RFNG: variants seen among roughly 807,000 people sequenced by gnomAD.
RFNG encodes RFNG O-fucosylpeptide 3-beta-N-acetylglucosaminyltransferase, also known as beta-1,3-N-acetylglucosaminyltransferase radical fringe.
Under a neutral mutation model 29.6 loss-of-function variants are expected in RFNG, and 37 were observed. That is an observed-to-expected ratio of 1.25 (90% confidence interval 0.96 to 1.65). The LOEUF (loss-of-function observed/expected upper bound fraction) is 1.65. RFNG is among the 40% of genes most tolerant of loss of function. The pLI, the probability that RFNG is intolerant of heterozygous loss-of-function variation, is 0.00. For missense variants in RFNG, 546 were observed against 457.0 expected (o/e 1.19, Z -1.78); for synonymous variants, 276 against 197.3 (o/e 1.40, Z -3.34).
At position 82,051,600 on chromosome 17, in the gene RFNG, C is replaced by A; in HGVS notation, c.167G>T (p.Arg56Leu). 1.6e-6 allele frequency: 2 copies of A among 1,276,792 alleles called. No homozygotes were observed. Among genetic ancestry groups the A allele is most frequent in the Non-Finnish European group, 9.9e-7 (1 of 1,009,992 alleles). The allele number at this position is 1,276,792 out of a possible 1,614,324, so 79.1% of individuals were successfully genotyped here. A position where few individuals can be genotyped will look rare whatever the true frequency, so the allele number is the denominator to read the frequency against. The stretch of plus-strand genomic sequence containing the variant: ...GACGGCGATGAAGACGTCGTCAGGC[C>A]GCAGGCTGGGGGCAGCGGGCCGGGA... Reference protein sequence around the residue: ...PPSRPAAPSLRPDDVFIAVKT... With the variant: ...PPSRPAAPSLLPDDVFIAVKT... Residue 56 changes from arginine to leucine, a missense_variant, in exon 1 of 8, where the codon CGG becomes CTG. By Grantham distance (102) the Arg-to-Leu change is moderately radical. Coordinates refer to ENST00000310496, the MANE Select transcript of RFNG (RefSeq NM_002917.2). The surrounding 1 kb of genome is among the most constrained non-coding windows in gnomAD (Gnocchi z 4.1).
rs1483122223 is a variant in RFNG at position 82,048,444 on chromosome 17, G to A, written c.*282C>T. ...CTCCCAGGTGCGCAAGTGCTGGGGT[G>A]GAAGCCTGTTCCCGTGGGATCAACC... On this transcript the variant is annotated 3_prime_UTR_variant, in exon 8 of 8. Coordinates refer to ENST00000310496, the MANE Select transcript of RFNG (RefSeq NM_002917.2). 2 of 482,816 alleles carry A rather than the reference G, an allele frequency of 4.1e-6. No homozygotes were observed. The highest frequency in any genetic ancestry group is 2.0e-5 in the African/African-American group (1 of 50,978). 29.9% of individuals were successfully genotyped at this position (482,816 alleles called of 1,614,324 possible).
intron 2 of RFNG, 75 bp from the exon 3 acceptor site, chr17:82,050,839 C>T (rs2030420868): frequency 1.3e-6 from 2 of 1,510,808 alleles, no homozygotes; most frequent in South Asian, 1.2e-5. Flanking sequence ...CCCCACCTGC[C>T]CCCAAGGGCC....
Position 82,049,270 on chromosome 17 carries a change from T to C in RFNG, c.829-154A>G, listed in dbSNP as rs546834611. The C allele has an allele frequency of 3.1e-4, 223 of 722,156 alleles. 2 individuals carry two copies. Among genetic ancestry groups the C allele is most frequent in the Admixed American group, 1.2e-3 (60 of 49,906 alleles). The allele number at this position is 722,156 out of a possible 1,614,324, so 44.7% of individuals were successfully genotyped here. On this transcript the variant is annotated intron_variant, in intron 6 of 7. Coordinates refer to ENST00000310496, the MANE Select transcript of RFNG (RefSeq NM_002917.2). ...TTGGAAACAGCATTGAAGCATGGCA[T>C]GAGCTGAGTAGGGGGACACCTCAGG... is the stretch of plus-strand genomic sequence containing the variant.
Position 82,051,494 on chromosome 17 carries a change from G to A in RFNG, c.267+6C>T. The stretch of plus-strand genomic sequence containing the variant: ...GGCTCGCCGTCGGGGTCGGGGTCCG[G>A]CGCACCTGCTGGCGGGCCCGGGAGA... On this transcript the variant is annotated splice_donor_region_variant and intron_variant, in intron 1 of 7. Coordinates refer to ENST00000310496, the MANE Select transcript of RFNG (RefSeq NM_002917.2). The surrounding 1 kb of genome is among the most constrained non-coding windows in gnomAD (Gnocchi z 4.1). The A allele has an allele frequency of 7.3e-7, 1 of 1,372,944 alleles. No individual in the cohort carries two copies. Among genetic ancestry groups the A allele is most frequent in the Non-Finnish European group, 9.4e-7 (1 of 1,060,292 alleles). 85.0% of individuals were successfully genotyped at this position (1,372,944 alleles called of 1,614,324 possible).
chr17:82,051,486 G>A lies in RFNG; in HGVS notation c.267+14C>T. Reference sequence around the variant, plus strand: ...GGGCGTGGGGCTCGCCGTCGGGGTCGGGGTCCGGCGCACCTGCTGGCGGGC... The same window carrying A: ...GGGCGTGGGGCTCGCCGTCGGGGTCAGGGTCCGGCGCACCTGCTGGCGGGC... On this transcript the variant is annotated intron_variant, in intron 1 of 7. Coordinates refer to ENST00000310496, the MANE Select transcript of RFNG (RefSeq NM_002917.2). The surrounding 1 kb of genome is among the most constrained non-coding windows in gnomAD (Gnocchi z 4.1). The A allele has an allele frequency of 1.5e-6, 2 of 1,365,260 alleles. No homozygotes were observed. The highest frequency in any genetic ancestry group is 3.5e-5 in the South Asian group (2 of 56,370). 84.6% of individuals were successfully genotyped at this position (1,365,260 alleles called of 1,614,324 possible). A position where few individuals can be genotyped will look rare whatever the true frequency, so the allele number is the denominator to read the frequency against.
chr17:82,051,041 C>A lies in RFNG; in HGVS notation c.316+253G>T. The stretch of plus-strand genomic sequence containing the variant: ...CCTGGAAGGGCGGATTCCCTGCTGG[C>A]GCTTCTTCAGGGGACGTGGCACTAG... On this transcript the variant is annotated intron_variant, in intron 2 of 7. Transcript: ENST00000310496. This position sits in a 1 kb window ranked among gnomAD's most constrained non-coding sequence, Gnocchi z 4.1. The A allele has an allele frequency of 7.2e-7, 1 of 1,389,268 alleles. No homozygotes were observed. 86.1% of individuals were successfully genotyped at this position (1,389,268 alleles called of 1,614,324 possible). A position where few individuals can be genotyped will look rare whatever the true frequency, so the allele number is the denominator to read the frequency against.
intron 7 of RFNG, 81 bp from the exon 8 acceptor site, chr17:82,048,888 G>T: frequency 6.8e-7 from 1 of 1,470,532 alleles, no homozygotes; most frequent in Non-Finnish European, 9.5e-7. Context: ...GGGAGAACCT[G>T]GGGTCAGGGC....
intron 2 of RFNG, 182 bp from the exon 3 acceptor site, chr17:82,050,946 C>G (rs2030448167): frequency 1.4e-6 from 2 of 1,422,576 alleles, no homozygotes; most frequent in Non-Finnish European, 9.2e-7. Flanking sequence ...GCCACCGAGG[C>G]TGAAGCAGGC....
At position 82,048,248 on chromosome 17, in the gene RFNG, G is replaced by A. The variant is rs560190079; in HGVS notation, c.*478C>T. On this transcript the variant is annotated 3_prime_UTR_variant, in exon 8 of 8. Coordinates refer to ENST00000310496, the MANE Select transcript of RFNG (RefSeq NM_002917.2). ...CTGAGTCCCACTGTGGTGCCCGGCC[G>A]TGCACCCAGCCTGCGGCAGAGAGGG... The A allele has an allele frequency of 1.1e-4, 20 of 186,852 alleles. 1 individual carries two copies. Among genetic ancestry groups the A allele is most frequent in the Middle Eastern group, 2.3e-3 (1 of 430 alleles). The allele number at this position is 186,852 out of a possible 1,614,324, so 11.6% of individuals were successfully genotyped here.
In RFNG at chr17:82,049,028, C is replaced by T; in HGVS notation, c.914+3G>A. ...GGGCCTGCCCATGCCACTACCTACT[C>T]ACCGTGTGGGGTCTTGATGCAGGCT... On this transcript the variant is annotated splice_donor_region_variant and intron_variant, in intron 7 of 7. Coordinates refer to ENST00000310496, the MANE Select transcript of RFNG (RefSeq NM_002917.2). The T allele has an allele frequency of 6.2e-7, 1 of 1,612,932 alleles. No individual in the cohort carries two copies. Among genetic ancestry groups the T allele is most frequent in the Non-Finnish European group, 8.5e-7 (1 of 1,179,824 alleles).
intron 2 of RFNG, 141 bp from the exon 3 acceptor site, chr17:82,050,905 G>GC: frequency 7.1e-7 from 1 of 1,403,534 alleles, no homozygotes; most frequent in South Asian, 1.4e-5. Flanking sequence ...TCCAACCACA[G>GC]CCCTAGCCCT....
rs12948507 is a variant in RFNG at position 82,049,081 on chromosome 17, A to C, written c.864T>G (p.His288Gln). The C allele has an allele frequency of 0.67, 1,081,496 of 1,612,990 alleles. 368,571 individuals carry two copies. The highest frequency in any genetic ancestry group is 0.7 in the Non-Finnish European group (826,310 of 1,179,548). ...AGCCTCCAGCCACGTTCACCACGTT[A>C]TGTGGGTTCTCAGGACCCCCATGGC... ...TLSHGGPENP[H>Q]NVVNVAGGFS... is the part of the protein sequence containing the mutation. Residue 288 changes from histidine to glutamine, a missense_variant, in exon 7 of 8, where the codon CAT (histidine) becomes CAG (glutamine). His to Gln is a conservative substitution (Grantham distance 24, BLOSUM62 0). Transcript: ENST00000310496.
At chr17:82,050,607 G>A (rs1056707836) in intron 3 of RFNG, 52 bp from the exon 4 acceptor site, 4 of 1,608,294 alleles carry the variant, frequency 2.5e-6, no homozygotes, top group African/African-American at 2.7e-5. Context: ...CTGGACAGGA[G>A]GCCCCCACCC....
rs562911352 is a variant in RFNG at position 82,050,363 on chromosome 17, G to A, written c.573+39C>T. The A allele has an allele frequency of 2.9e-4, 446 of 1,529,258 alleles. 7 individuals carry two copies. In the East Asian group the frequency reaches 9.9e-3, roughly 34 times the overall value. The allele number at this position is 1,529,258 out of a possible 1,614,324, so 94.7% of individuals were successfully genotyped here. On this transcript the variant is annotated intron_variant, in intron 4 of 7. Coordinates refer to ENST00000310496, the MANE Select transcript of RFNG (RefSeq NM_002917.2). ...CTGTGCCTCCCGGGCTGGTGTCAAG[G>A]AAGGCGTCTGCTCCGATGGCGTCTG...
At position 82,049,710 on chromosome 17, in the gene RFNG, C is replaced by T; in HGVS notation, c.795G>A (p.Leu265=). The change falls in exon 6 of 8, where the codon CTG becomes CTA. Residue 265 remains leucine (L), a synonymous_variant. Coordinates refer to ENST00000310496, the MANE Select transcript of RFNG (RefSeq NM_002917.2). ...GCAGGGTGTCGGGCGGCAGCCTCTG[C>T]AGGTTCTCCAGGTGAGAGTGGAAGA... ...SPLFHSHLEN[L]QRLPPDTLLQ... 1 of 1,499,650 alleles carries T rather than the reference C, an allele frequency of 6.7e-7. No homozygotes were observed. The highest frequency in any genetic ancestry group is 8.9e-7 in the Non-Finnish European group (1 of 1,126,584). 92.9% of individuals were successfully genotyped at this position (1,499,650 alleles called of 1,614,324 possible).
rs368154013 is a variant in RFNG, at chr17:82,048,534, C to A, written c.*192G>T. 3.3e-6 allele frequency: 2 copies of A among 602,494 alleles called. No homozygotes were observed. The highest frequency in any genetic ancestry group is 3.7e-5 in the African/African-American group (2 of 53,930). The allele number at this position is 602,494 out of a possible 1,614,324, so 37.3% of individuals were successfully genotyped here. A position where few individuals can be genotyped will look rare whatever the true frequency, so the allele number is the denominator to read the frequency against. On this transcript the variant is annotated 3_prime_UTR_variant, in exon 8 of 8. Transcript: ENST00000310496. ...CATCAGCCTGGCTGTCTTCGTTCTC[C>A]CAAAACACCCATCACCGCAGCCCAC...
chr17:82,048,948 CGG>C (rs1383068658), intron 7 of RFNG, 81 bp downstream of exon 7: 1 of 1,479,644 alleles, frequency 6.8e-7, no homozygotes, highest in African/African-American at 1.4e-5. Context: ...GAGGGAGCAG[CGG>C]GGGTCAGGGC....
Position 82,050,666 on chromosome 17 carries a change from G to T in RFNG, c.415C>A (p.Arg139Ser), listed in dbSNP as rs931541025. 1 of 1,613,046 alleles carries T rather than the reference G, an allele frequency of 6.2e-7. No homozygotes were observed. Among genetic ancestry groups the T allele is most frequent in the Non-Finnish European group, 8.5e-7 (1 of 1,179,862 alleles). Residue 139 changes from arginine to serine, a missense_variant, in exon 3 of 8, where the codon CGC becomes AGC. Coordinates refer to ENST00000310496, the MANE Select transcript of RFNG (RefSeq NM_002917.2). ...GGTCGGGTCAGCGCCGCGTACTTGCGCCCGGACTCAATGAACTTGTCATAC... is the reference window on the plus strand; with the variant it reads ...GGTCGGGTCAGCGCCGCGTACTTGCTCCCGGACTCAATGAACTTGTCATAC... ...VEYDKFIESG[R>S]KWFCHVDDDN... is the part of the protein sequence containing the mutation.
At position 82,048,667 on chromosome 17, in the gene RFNG, G is replaced by C; in HGVS notation, c.*59C>G. ...GAGGGAGCCCACTGAGCCCATAGGG[G>C]GCTCTGGTTCCCCGCGCCTGGGACA... On this transcript the variant is annotated 3_prime_UTR_variant, in exon 8 of 8. Transcript: ENST00000310496. 6.4e-6 allele frequency: 9 copies of C among 1,408,826 alleles called. No individual in the cohort carries two copies. The highest frequency in any genetic ancestry group is 8.0e-6 in the Non-Finnish European group (8 of 1,001,342). 87.3% of individuals were successfully genotyped at this position (1,408,826 alleles called of 1,614,324 possible). A position where few individuals can be genotyped will look rare whatever the true frequency, so the allele number is the denominator to read the frequency against.
Sources: allele counts gnomAD v4.1 joint callset, GRCh38; gene constraint gnomAD v4.1.1; non-coding constraint Gnocchi (gnomAD v3.1); transcripts MANE v1.5; gene names NCBI Gene and HGNC (gene_info 2026-07-23, HGNC 2026-07-21).